Variants in KATNBL1 observed in about 807,000 individuals in gnomAD.
KATNBL1 encodes the protein KATNB1-like protein 1.
A neutral mutation model predicts 44.7 loss-of-function variants in KATNBL1; 28 were observed. That is an observed-to-expected ratio of 0.63 (90% CI 0.46 to 0.86). The LOEUF (loss-of-function observed/expected upper bound fraction) is 0.86, where lower values mean the gene tolerates loss of function less well. Among genes scored for constraint, KATNBL1 ranks in the 40% least tolerant of loss-of-function variants. KATNBL1 has a pLI of 0.00. For synonymous variants in KATNBL1, 78 were observed against 114.9 expected, an observed-to-expected ratio of 0.68 and a Z score of 2.06; for missense variants, 272 against 350.7, an observed-to-expected ratio of 0.78 and a Z score of 1.79.
At chr15:34,155,303 G>A (rs1888605636) in intron 2 of KATNBL1, among the ~76,000 whole-genome samples, 1 of 152,032 alleles carries the variant, frequency 6.6e-6, no homozygotes, top group Admixed American at 6.6e-5. Context: ...TGTTCTGCTT[G>A]GTTTTCTAAA....
intron 1 of KATNBL1, among the ~76,000 whole-genome samples, chr15:34,208,255 CTCTT>C (rs1236211593): frequency 6.6e-6 from 1 of 152,194 alleles, no homozygotes; most frequent in African/African-American, 2.4e-5. Context: ...CCCTCCCACT[CTCTT>C]TCTACCAAGT....
chr15:34,206,259 A>G (rs989066154), intron 1 of KATNBL1, among the ~76,000 whole-genome samples: 1 of 152,224 alleles, frequency 6.6e-6, no homozygotes, highest in Non-Finnish European at 1.5e-5. Context: ...TGACTTGCTC[A>G]AGGCAAAAAG....
At chr15:34,180,342 G>C (rs1889480998) in intron 1 of KATNBL1, among the ~76,000 whole-genome samples, 1 of 151,820 alleles carries the variant, frequency 6.6e-6, no homozygotes. Context: ...ATCAAAGTCA[G>C]CCAAGCCAAC....
chr15:34,153,107 C>T (rs559154735), intron 3 of KATNBL1, 38 bp from the exon 4 acceptor site: 1 of 1,472,724 alleles, frequency 6.8e-7, no homozygotes, highest in Non-Finnish European at 9.2e-7. Context: ...GAAAAAGAAC[C>T]ATATGAAATC....
At chr15:34,197,454 A>G (rs1053878181) in intron 1 of KATNBL1, among the ~76,000 whole-genome samples, 3 of 152,214 alleles carry the variant, frequency 2.0e-5, no homozygotes, top group African/African-American at 7.2e-5. Flanking sequence ...AATGTTAGCT[A>G]TTATCAAGTT....
chr15:34,155,812 T>A (rs546969941), intron 2 of KATNBL1, among the ~76,000 whole-genome samples: 1 of 152,240 alleles, frequency 6.6e-6, no homozygotes, highest in African/African-American at 2.4e-5. Flanking sequence ...ATTTATCTAA[T>A]CTACGTTTTT....
At chr15:34,161,314 T>G (rs1480756877) in intron 2 of KATNBL1, among the ~76,000 whole-genome samples, 1 of 152,212 alleles carries the variant, frequency 6.6e-6, no homozygotes, top group East Asian at 1.9e-4. Flanking sequence ...GGTTTATTCA[T>G]CACACTGGGT....
intron 1 of KATNBL1, among the ~76,000 whole-genome samples, chr15:34,195,541 A>G (rs1231494436): frequency 6.6e-6 from 1 of 152,094 alleles, no homozygotes; most frequent in Non-Finnish European, 1.5e-5. Flanking sequence ...GCAATATATC[A>G]ATGTAGCAAA....
intron 1 of KATNBL1, among the ~76,000 whole-genome samples, chr15:34,171,232 T>C (rs1377490973): frequency 1.3e-5 from 2 of 152,008 alleles, no homozygotes; most frequent in African/African-American, 2.4e-5. Context: ...CTTAAACAAA[T>C]TGTCAAGAAA....
At position 34,180,283 on chromosome 15, in the gene KATNBL1, C is replaced by T. The variant is rs187810971; in HGVS notation, c.-14-16593G>A. Among the ~76,000 whole-genome samples, 106 of 149,752 alleles carry T rather than the reference C, an allele frequency of 7.1e-4. 1 individual carries two copies. Among genetic ancestry groups the T allele is most frequent in the Admixed American group, 6.0e-3 (90 of 14,958 alleles). On this transcript the variant is annotated intron_variant, in intron 1 of 9. Transcript: ENST00000256544. Reference sequence around the variant, plus strand: ...GCTCTCTCATCTGAAAAAAAAAATGCGTCTTGAATTAAACCTATATAGGAG... The same window carrying T: ...GCTCTCTCATCTGAAAAAAAAAATGTGTCTTGAATTAAACCTATATAGGAG...
intron 1 of KATNBL1, among the ~76,000 whole-genome samples, chr15:34,185,519 A>C (rs1205463512): frequency 6.6e-6 from 1 of 152,210 alleles, no homozygotes; most frequent in African/African-American, 2.4e-5. Context: ...AATGATTATT[A>C]GATTAGTTAA....
rs529213868 is a variant in KATNBL1, at chr15:34,174,571, T to C, written c.-14-10881A>G. ...AGTAAATTCAGAAACATGACCTAAT[T>C]ATACGTTGTCCACAAGAAACTCACT... On this transcript the variant is annotated intron_variant, in intron 1 of 9. Coordinates refer to ENST00000256544, the MANE Select transcript of KATNBL1 (RefSeq NM_024713.3). Among the ~76,000 whole-genome samples the C allele has an allele frequency of 5.3e-5, 8 of 152,254 alleles. No individual in the cohort carries two copies. The South Asian group carries it at 1.4e-3, about 28-fold the overall frequency.
chr15:34,177,935 A>G (rs893739947), intron 1 of KATNBL1: 2 of 152,238 alleles, frequency 1.3e-5, no homozygotes, highest in Non-Finnish European at 2.9e-5. Flanking sequence ...AGTCATTCCC[A>G]CTATGGCAAA....
intron 3 of KATNBL1, 67 bp from the exon 4 acceptor site, chr15:34,153,136 A>G: frequency 8.6e-7 from 1 of 1,157,620 alleles, no homozygotes. Context: ...GTTTTTAAAC[A>G]GAGAATTAAT....
At chr15:34,191,405 A>C (rs1889869115) in intron 1 of KATNBL1, among the ~76,000 whole-genome samples, 1 of 151,952 alleles carries the variant, frequency 6.6e-6, no homozygotes, top group East Asian at 1.9e-4. Context: ...AGTCATGTAA[A>C]CTTGTATGAA....
In KATNBL1 at chr15:34,141,513, A is replaced by G. The variant is rs1428873623; in HGVS notation, c.*826T>C. Reference sequence around the variant, plus strand: ...ATATAAATTAGCCAAGTCCATGGACATTTCCAGTTAAACATTCATACAAAA... The same window carrying G: ...ATATAAATTAGCCAAGTCCATGGACGTTTCCAGTTAAACATTCATACAAAA... On this transcript the variant is annotated 3_prime_UTR_variant, in exon 10 of 10. Coordinates refer to ENST00000256544, the MANE Select transcript of KATNBL1 (RefSeq NM_024713.3). The G allele has an allele frequency of 6.6e-6, 1 of 152,614 alleles. No homozygotes were observed. Among genetic ancestry groups the G allele is most frequent in the Non-Finnish European group, 1.5e-5 (1 of 67,988 alleles). 9.5% of individuals were successfully genotyped at this position (152,614 alleles called of 1,614,324 possible).
At chr15:34,186,722 CCT>C (rs1216338908) in intron 1 of KATNBL1, among the ~76,000 whole-genome samples, 1 of 152,226 alleles carries the variant, frequency 6.6e-6, no homozygotes, top group African/African-American at 2.4e-5. Flanking sequence ...CACTGCCTGG[CCT>C]CTCTCTGCTC....
intron 4 of KATNBL1, among the ~76,000 whole-genome samples, chr15:34,151,435 ACT>A (rs1888470751): frequency 1.3e-4 from 8 of 63,828 alleles, no homozygotes; most frequent in Admixed American, 2.0e-4. Context: ...TCCTTTGCCT[ACT>A]TTTTTTTTTT....
chr15:34,169,001 C>T (rs1382667786), intron 1 of KATNBL1, among the ~76,000 whole-genome samples: 5 of 150,870 alleles, frequency 3.3e-5, no homozygotes, highest in Non-Finnish European at 7.4e-5. Context: ...GATCTACAAT[C>T]GACATGCTAA....
Sources: gnomAD v4.1 joint callset for allele counts (sites outside exome capture counted in the v4.1 genomes callset) on GRCh38, gnomAD v4.1.1 for gene constraint, MANE v1.5 for transcripts, NCBI Gene and HGNC (gene_info 2026-07-23, HGNC 2026-07-21) for gene names.